The following CNGB3 variants were observed in gnomAD, a reference collection of about 807,000 sequenced individuals.
The protein encoded by CNGB3 is cyclic nucleotide-gated channel beta-3.
Under a neutral mutation model 92.8 loss-of-function variants are expected in CNGB3, and 86 were observed. The observed-to-expected ratio is 0.93, with a 90% CI of 0.78 to 1.11. The LOEUF (loss-of-function observed/expected upper bound fraction) is 1.11, where lower values mean the gene tolerates loss of function less well. Among genes scored for constraint, CNGB3 ranks in the 50% least tolerant of loss-of-function variants. The pLI is 0.00. For synonymous variants in CNGB3, 333 were observed against 332.7 expected (o/e 1.00, Z -0.01); for missense variants, 1,026 against 956.8 (o/e 1.07, Z -0.95).
intron 1 of CNGB3, among the ~76,000 whole-genome samples, chr8:86,740,989 G>T (rs1164133155): frequency 2.0e-5 from 3 of 152,150 alleles, no homozygotes; most frequent in Non-Finnish European, 4.4e-5. Context: ...TATGTGAAGA[G>T]TGTCTTCTTC....
intron 2 of CNGB3, among the ~76,000 whole-genome samples, chr8:86,727,062 G>C (rs1232859163): frequency 6.6e-6 from 1 of 152,104 alleles, no homozygotes; most frequent in Non-Finnish European, 1.5e-5. Flanking sequence ...AATACTGTAA[G>C]CCATTCTAAC....
At chr8:86,633,009 C>T (rs1320577406) in intron 10 of CNGB3, 116 bp from the exon 11 acceptor site, 1 of 963,168 alleles carries the variant, frequency 1.0e-6, no homozygotes, top group Non-Finnish European at 1.6e-6. Flanking sequence ...TCAAGATTTT[C>T]TTTCTCTAGA....
In CNGB3 at chr8:86,594,966, G is replaced by A. The variant is rs185945074; in HGVS notation, c.1781+9127C>T. ...CTCGGTTTCCTGACCTCATGATCCC[G>A]CCACCTGAGCCTCCCAAAGTGCTGG... is the stretch of plus-strand genomic sequence containing the variant. On this transcript the variant is annotated intron_variant, in intron 15 of 17. Coordinates refer to ENST00000320005, the MANE Select transcript of CNGB3 (RefSeq NM_019098.5). 2.8e-3 allele frequency among the ~76,000 whole-genome samples: 422 copies of A among 152,042 alleles called. 3 individuals are homozygous for A. Among genetic ancestry groups the A allele is most frequent in the East Asian group, 0.018 (91 of 5,146 alleles).
intron 10 of CNGB3, among the ~76,000 whole-genome samples, chr8:86,637,482 G>GT (rs71275871): frequency 0.08 from 12,180 of 151,750 alleles, 542 homozygotes; most frequent in African/African-American, 0.11. Flanking sequence ...ATTTTTTTCT[G>GT]TTCCTGTAAA....
In CNGB3 at chr8:86,680,839, G is replaced by T. The variant is rs138002152; in HGVS notation, c.339-9741C>A. Among the ~76,000 whole-genome samples, 777 of 152,158 alleles carry T rather than the reference G, an allele frequency of 5.1e-3. 7 individuals carry two copies. The highest frequency in any genetic ancestry group is 0.018 in the African/African-American group (759 of 41,520). ...AGGTTGTGGGACTCATCTTCCCCAG[G>T]TGTAGGCAATAAATGGGGGACATTG... is the stretch of plus-strand genomic sequence containing the variant. On this transcript the variant is annotated intron_variant, in intron 3 of 17. Transcript: ENST00000320005.
At chr8:86,593,720 C>A in intron 15 of CNGB3, 1 of 894,374 alleles carries the variant, frequency 1.1e-6, no homozygotes, top group Non-Finnish European at 1.8e-6. Context: ...GCCTGTCGTC[C>A]AGCAGTGGTG....
intron 3 of CNGB3, among the ~76,000 whole-genome samples, chr8:86,717,519 T>G (rs1824879377): frequency 1.4e-5 from 2 of 146,060 alleles, no homozygotes; most frequent in Non-Finnish European, 3.0e-5. Flanking sequence ...GCCAAGATTG[T>G]GCAACTGTAC....
chr8:86,696,213 T>G (rs564606895), intron 3 of CNGB3, among the ~76,000 whole-genome samples: 2 of 152,292 alleles, frequency 1.3e-5, no homozygotes, highest in Admixed American at 6.5e-5. Flanking sequence ...ATCTATTGTT[T>G]TCTCCTTCTT....
intron 9 of CNGB3, among the ~76,000 whole-genome samples, chr8:86,644,125 G>A (rs893557663): frequency 2.0e-5 from 3 of 151,020 alleles, no homozygotes; most frequent in Admixed American, 6.6e-5. Context: ...CAGATGTTGT[G>A]AGTCAACTCC....
chr8:86,726,410 T>C (rs920703608), intron 3 of CNGB3, 121 bp downstream of exon 3: 1 of 1,352,746 alleles, frequency 7.4e-7, no homozygotes, highest in Non-Finnish European at 1.1e-6. Flanking sequence ...TTTTGTGTTA[T>C]GTGACTATTG....
chr8:86,578,246 A>T (rs1225972768), intron 17 of CNGB3, among the ~76,000 whole-genome samples: 1 of 152,142 alleles, frequency 6.6e-6, no homozygotes, highest in Non-Finnish European at 1.5e-5. Context: ...CTGAAACAAG[A>T]AAGGAGAGTG....
chr8:86,622,098 G>A (rs1375774141), intron 13 of CNGB3, among the ~76,000 whole-genome samples: 1 of 152,144 alleles, frequency 6.6e-6, no homozygotes, highest in Non-Finnish European at 1.5e-5. Flanking sequence ...CCAAGTTGCT[G>A]CAAATGCCAT....
In CNGB3 at chr8:86,575,279, G is replaced by A. The variant is rs998552602; in HGVS notation, c.*525C>T. 6.6e-6 allele frequency: 1 copy of A among 152,128 alleles called. No homozygotes were observed. The highest frequency in any genetic ancestry group is 6.6e-5 in the Admixed American group (1 of 15,264). 9.4% of individuals were successfully genotyped at this position (152,128 alleles called of 1,614,324 possible). ...CTTCCCTTCAGTCCCAGCTGCTGGG[G>A]ATTTTTTGATATTACAGTGACTCAT... On this transcript the variant is annotated 3_prime_UTR_variant, in exon 18 of 18. Transcript: ENST00000320005.
rs763561433 is a variant in CNGB3, at chr8:86,576,169, T to C, written c.2104-39A>G. On this transcript the variant is annotated intron_variant, in intron 17 of 17. Coordinates refer to ENST00000320005, the MANE Select transcript of CNGB3 (RefSeq NM_019098.5). Reference sequence around the variant, plus strand: ...TTACAAAGAACTGGTGTTGAAATCGTAATTAAAAACATTGGATTAGATTTT... The same window carrying C: ...TTACAAAGAACTGGTGTTGAAATCGCAATTAAAAACATTGGATTAGATTTT... 1.9e-6 allele frequency: 3 copies of C among 1,594,382 alleles called. No individual in the cohort carries two copies. The Admixed American group carries it at 5.1e-5, about 27-fold the overall frequency.
At chr8:86,613,710 T>C (rs144812593) in intron 13 of CNGB3, among the ~76,000 whole-genome samples, 2 of 151,794 alleles carry the variant, frequency 1.3e-5, no homozygotes, top group Non-Finnish European at 2.9e-5. Context: ...TTTTTAAGGT[T>C]TTAATTATAA....
chr8:86,585,900 C>T (rs1349993198), intron 15 of CNGB3, among the ~76,000 whole-genome samples: 3 of 152,172 alleles, frequency 2.0e-5, no homozygotes, highest in Non-Finnish European at 4.4e-5. Context: ...CAGTACAATG[C>T]ATTTCAGATA....
Position 86,626,260 on chromosome 8 carries a change from A to G in CNGB3, c.1481-180T>C, listed in dbSNP as rs892846447. 6.6e-5 allele frequency among the ~76,000 whole-genome samples: 10 copies of G among 152,140 alleles called. No homozygotes were observed. In the South Asian group the frequency reaches 8.3e-4, roughly 13 times the overall value. The stretch of plus-strand genomic sequence containing the variant: ...CTATTGGACCTCCATACCTATTACA[A>G]TAACACTATTATGCTTATGCAATAA... On this transcript the variant is annotated intron_variant, in intron 12 of 17. Transcript: ENST00000320005.
chr8:86,618,940 C>G (rs184839787), intron 13 of CNGB3, among the ~76,000 whole-genome samples: 6 of 152,324 alleles, frequency 3.9e-5, no homozygotes, highest in Admixed American at 1.3e-4. Flanking sequence ...CTCATCCTTC[C>G]GTCCACAGAA....
At chr8:86,695,024 C>T (rs182381105) in intron 3 of CNGB3, among the ~76,000 whole-genome samples, 3 of 152,186 alleles carry the variant, frequency 2.0e-5, no homozygotes, top group Non-Finnish European at 2.9e-5. Context: ...ACTGAGTGAA[C>T]GAGACTCCGT....
Sources: allele counts gnomAD v4.1 joint callset (sites outside exome capture counted in the v4.1 genomes callset), GRCh38; gene constraint gnomAD v4.1.1; transcripts MANE v1.5; gene names NCBI Gene and HGNC (gene_info 2026-07-23, HGNC 2026-07-21).